The following CDK6 variants were observed in gnomAD, a reference collection of about 807,000 sequenced individuals.
CDK6 encodes the protein cyclin-dependent kinase 6.
A neutral mutation model predicts 37.1 loss-of-function variants in CDK6; 6 were observed. The observed-to-expected ratio is 0.16, with a 90% CI of 0.09 to 0.32. CDK6 has a LOEUF of 0.32. Among genes scored for constraint, CDK6 ranks in the 10% least tolerant of loss-of-function variants. The pLI is 1.00. For synonymous variants in CDK6, 160 were observed against 161.3 expected, an observed-to-expected ratio of 0.99 and a Z score of 0.06; for missense variants, 224 against 418.9, an observed-to-expected ratio of 0.53 and a Z score of 4.06.
Position 92,605,568 on chromosome 7 carries a change from A to G in CDK6, c.*9572T>C, listed in dbSNP as rs1360699773. ...CCTCAGATAGGAAGGGTATAGATAA[A>G]CTGGCTATATTTTCATCTGCCTCTT... On this transcript the variant is annotated 3_prime_UTR_variant, in exon 8 of 8. Coordinates refer to ENST00000424848, the MANE Select transcript of CDK6 (RefSeq NM_001145306.2). The G allele has an allele frequency of 4.3e-6, 1 of 233,110 alleles. No homozygotes were observed. Among genetic ancestry groups the G allele is most frequent in the Non-Finnish European group, 8.5e-6 (1 of 118,006 alleles). The allele number at this position is 233,110 out of a possible 1,614,324, so 14.4% of individuals were successfully genotyped here.
rs1346849440 is a variant in CDK6 at position 92,605,888 on chromosome 7, A to G, written c.*9252T>C. ...CTGTGGTAACTCTCAATCTGTGTACAGAGAAAAGAGAAGCAACATCTGATA... is the reference window on the plus strand; with the variant it reads ...CTGTGGTAACTCTCAATCTGTGTACGGAGAAAAGAGAAGCAACATCTGATA... On this transcript the variant is annotated 3_prime_UTR_variant, in exon 8 of 8. Transcript: ENST00000424848. The G allele has an allele frequency of 4.3e-6, 1 of 233,552 alleles. No homozygotes were observed. The highest frequency in any genetic ancestry group is 2.2e-5 in the African/African-American group (1 of 45,360). 14.5% of individuals were successfully genotyped at this position (233,552 alleles called of 1,614,324 possible).
chr7:92,781,899 C>T (rs1800002248), intron 2 of CDK6, among the ~76,000 whole-genome samples: 1 of 152,320 alleles, frequency 6.6e-6, no homozygotes, highest in East Asian at 1.9e-4. Flanking sequence ...TATGTTCACA[C>T]ATCTCACTAG....
chr7:92,625,854 CA>C (rs1267207229), intron 5 of CDK6, among the ~76,000 whole-genome samples: 3 of 151,972 alleles, frequency 2.0e-5, no homozygotes, highest in African/African-American at 7.2e-5. Context: ...TCATTGTACT[CA>C]AAAGACAAGG....
At chr7:92,742,949 G>A (rs767118183) in intron 3 of CDK6, among the ~76,000 whole-genome samples, 2 of 151,830 alleles carry the variant, frequency 1.3e-5, no homozygotes, top group Non-Finnish European at 2.9e-5. Flanking sequence ...GCTAAAATAG[G>A]CTAAAAGGCA....
At chr7:92,640,439 G>A (rs990889552) in intron 5 of CDK6, among the ~76,000 whole-genome samples, 8 of 152,070 alleles carry the variant, frequency 5.3e-5, no homozygotes, top group African/African-American at 1.9e-4. Flanking sequence ...CACATTATAC[G>A]GTATATGACT....
intron 4 of CDK6, among the ~76,000 whole-genome samples, chr7:92,682,777 C>T (rs887990302): frequency 1.2e-4 from 18 of 152,158 alleles, no homozygotes; most frequent in African/African-American, 4.3e-4. Context: ...CCCATGTCCA[C>T]ACCAGGCATT....
At chr7:92,618,404 C>A in intron 6 of CDK6, 197 bp from the exon 7 acceptor site, 3 of 529,702 alleles carry the variant, frequency 5.7e-6, no homozygotes, top group Non-Finnish European at 6.7e-6. Flanking sequence ...AGAGGGTAAT[C>A]TCACAGAAGA....
intron 4 of CDK6, among the ~76,000 whole-genome samples, chr7:92,704,491 T>A (rs1488127440): frequency 3.3e-5 from 5 of 152,286 alleles, no homozygotes; most frequent in African/African-American, 9.6e-5. Flanking sequence ...CTATCCTAAG[T>A]CTCATGTTTT....
At chr7:92,632,432 A>G (rs779850071) in intron 5 of CDK6, among the ~76,000 whole-genome samples, 19 of 152,182 alleles carry the variant, frequency 1.2e-4, no homozygotes, top group Non-Finnish European at 2.4e-4. Context: ...TAGTCCAAAC[A>G]CTGAAAGACT....
chr7:92,634,167 T>G (rs942923735), intron 5 of CDK6, among the ~76,000 whole-genome samples: 3 of 152,164 alleles, frequency 2.0e-5, no homozygotes, highest in African/African-American at 7.2e-5. Context: ...GGCTTCACTT[T>G]TAATATGTAA....
chr7:92,774,915 T>A (rs2115787561), intron 2 of CDK6, 84 bp from the exon 3 acceptor site: 6 of 1,341,494 alleles, frequency 4.5e-6, no homozygotes, highest in Non-Finnish European at 6.1e-6. Flanking sequence ...CTCAATTTGG[T>A]CTCATAATAG....
At position 92,834,487 on chromosome 7, in the gene CDK6, C is replaced by G. The variant is rs1801590561; in HGVS notation, c.-367-797G>C. Reference sequence around the variant, plus strand: ...TTGGGGCTTATCGGGGGTGGGCGAGCGAGCGGTCCTGGGGGAGGGGAGACA... The same window carrying G: ...TTGGGGCTTATCGGGGGTGGGCGAGGGAGCGGTCCTGGGGGAGGGGAGACA... On this transcript the variant is annotated intron_variant, in intron 1 of 7. Transcript: ENST00000424848. This position sits in a 1 kb window ranked among gnomAD's most constrained non-coding sequence, Gnocchi z 4.6. 7.2e-6 allele frequency among the ~76,000 whole-genome samples: 1 copy of G among 139,046 alleles called. No individual in the cohort carries two copies. The highest frequency in any genetic ancestry group is 1.5e-5 in the Non-Finnish European group (1 of 64,534). 91.2% of individuals were successfully genotyped at this position (139,046 alleles called of 152,430 possible).
At position 92,725,026 on chromosome 7, in the gene CDK6, C is replaced by A. The variant is rs1305538586; in HGVS notation, c.537+600G>T. 3.3e-6 allele frequency: 3 copies of A among 921,990 alleles called. No individual in the cohort carries two copies. The African/African-American group carries it at 5.3e-5, about 16-fold the overall frequency. 57.1% of individuals were successfully genotyped at this position (921,990 alleles called of 1,614,324 possible). The stretch of plus-strand genomic sequence containing the variant: ...TTTGCAGCTGAATGGCAAAAAGAAA[C>A]AGGGTATCATAACTGTTATTTTTTG... On this transcript the variant is annotated intron_variant, in intron 4 of 7. Transcript: ENST00000424848.
At chr7:92,717,624 C>T (rs1798262212) in intron 4 of CDK6, among the ~76,000 whole-genome samples, 1 of 152,208 alleles carries the variant, frequency 6.6e-6, no homozygotes, top group Admixed American at 6.5e-5. Context: ...ACTTCTGGCT[C>T]TTTCTCCGAG....
intron 2 of CDK6, among the ~76,000 whole-genome samples, chr7:92,788,513 T>A (rs1800200217): frequency 6.6e-6 from 1 of 152,232 alleles, no homozygotes; most frequent in Non-Finnish European, 1.5e-5. Flanking sequence ...CTTGACTTTT[T>A]AAGCACAATA....
intron 3 of CDK6, among the ~76,000 whole-genome samples, chr7:92,745,263 T>C (rs1483819207): frequency 2.0e-5 from 3 of 152,222 alleles, no homozygotes. Context: ...AATGAAATAA[T>C]TTGATGAAGG....
At chr7:92,797,951 T>C (rs925984085) in intron 2 of CDK6, among the ~76,000 whole-genome samples, 2 of 152,128 alleles carry the variant, frequency 1.3e-5, no homozygotes, top group Non-Finnish European at 2.9e-5. Context: ...AGCAAAACTG[T>C]CCCCTCTGGA....
At chr7:92,672,021 A>G (rs867530414) in intron 4 of CDK6, among the ~76,000 whole-genome samples, 7 of 150,882 alleles carry the variant, frequency 4.6e-5, no homozygotes, top group Non-Finnish European at 1.0e-4. Flanking sequence ...AGAAAAAACT[A>G]CATACTGGGT....
In CDK6 at chr7:92,695,935, C is replaced by T. The variant is rs946961745; in HGVS notation, c.538-24400G>A. ...TGAAGGACACCTCTCTCACGCACAT[C>T]GGTTTCTGATTTCAGTTGGAGCAGC... On this transcript the variant is annotated intron_variant, in intron 4 of 7. Coordinates refer to ENST00000424848, the MANE Select transcript of CDK6 (RefSeq NM_001145306.2). Among the ~76,000 whole-genome samples, 17 of 152,322 alleles carry T rather than the reference C, an allele frequency of 1.1e-4. No individual in the cohort carries two copies. The East Asian group carries it at 2.9e-3, about 26-fold the overall frequency.
Sources: allele counts gnomAD v4.1 joint callset (sites outside exome capture counted in the v4.1 genomes callset), GRCh38; gene constraint gnomAD v4.1.1; non-coding constraint Gnocchi (gnomAD v3.1); transcripts MANE v1.5; gene names NCBI Gene and HGNC (gene_info 2026-07-23, HGNC 2026-07-21).